CEP78: variants seen among roughly 807,000 people sequenced by gnomAD.
The protein encoded by CEP78 is centrosomal protein 78, also known as centrosomal protein of 78 kDa.
A neutral mutation model predicts 81.2 loss-of-function variants in CEP78; 76 were observed. The ratio of observed to expected loss-of-function variants is 0.94; its 90% CI spans 0.78 to 1.13. The LOEUF is 1.13. Among genes scored for constraint, CEP78 ranks in the 50% most tolerant of loss-of-function variants. The probability of loss-of-function intolerance (pLI) is 0.00; values close to 1 mark genes in which losing one functional copy is unlikely to be tolerated. For synonymous variants in CEP78, 293 were observed against 301.4 expected (o/e 0.97, Z 0.29); for missense variants, 918 against 846.8 (o/e 1.08, Z -1.04).
intron 11 of CEP78, among the ~76,000 whole-genome samples, chr9:78,255,203 C>T (rs549063098): frequency 2.6e-5 from 4 of 152,038 alleles, no homozygotes; most frequent in Non-Finnish European, 5.9e-5. Context: ...TCCTTAGAAT[C>T]ATAGAATATT....
At chr9:78,266,171 T>C (rs1292186751) in intron 15 of CEP78, among the ~76,000 whole-genome samples, 2 of 152,122 alleles carry the variant, frequency 1.3e-5, no homozygotes, top group Admixed American at 1.3e-4. Flanking sequence ...ATAGGAAAGA[T>C]ACTAATTTTC....
At chr9:78,250,335 T>G (rs1826696644) in intron 8 of CEP78, 2 of 397,982 alleles carry the variant, frequency 5.0e-6, no homozygotes, top group Non-Finnish European at 8.9e-6. Flanking sequence ...ATATAATTTA[T>G]GTAAATTATG....
At chr9:78,256,544 T>G (rs1336830000) in intron 11 of CEP78, among the ~76,000 whole-genome samples, 1 of 144,590 alleles carries the variant, frequency 6.9e-6, no homozygotes, top group East Asian at 2.0e-4. Flanking sequence ...TTTTTTTTTT[T>G]TTTTTTGAGA....
rs191328117 is a variant in CEP78 at position 78,264,054 on chromosome 9, A to T, written c.1459-96A>T. On this transcript the variant is annotated intron_variant, in intron 12 of 16. Transcript: ENST00000643273. Reference sequence around the variant, plus strand: ...AGAGAGTTAGATTAACTGCAAATTAATTACATTTTTAAAATGTTTTATTTT... The same window carrying T: ...AGAGAGTTAGATTAACTGCAAATTATTTACATTTTTAAAATGTTTTATTTT... 94 of 907,064 alleles carry T rather than the reference A, an allele frequency of 1.0e-4. No individual in the cohort carries two copies. The East Asian group carries it at 2.7e-3, about 26-fold the overall frequency. The allele number at this position is 907,064 out of a possible 1,614,324, so 56.2% of individuals were successfully genotyped here. A position where few individuals can be genotyped will look rare whatever the true frequency, so the allele number is the denominator to read the frequency against.
chr9:78,241,359 A>T (rs921011679), intron 3 of CEP78, among the ~76,000 whole-genome samples: 1 of 152,204 alleles, frequency 6.6e-6, no homozygotes, highest in African/African-American at 2.4e-5. Context: ...CTGCTCTTGG[A>T]AATGAAAATA....
At chr9:78,240,426 C>T in intron 3 of CEP78, 62 bp downstream of exon 3, 1 of 1,313,780 alleles carries the variant, frequency 7.6e-7, no homozygotes, top group Non-Finnish European at 1.1e-6. Context: ...CCCTACATGC[C>T]ATGTTAATTC....
At chr9:78,241,471 A>G (rs1186197013) in intron 3 of CEP78, among the ~76,000 whole-genome samples, 1 of 152,202 alleles carries the variant, frequency 6.6e-6, no homozygotes, top group African/African-American at 2.4e-5. Flanking sequence ...AGTCTATTCA[A>G]TTTTGGCATC....
intron 8 of CEP78, chr9:78,249,116 A>G (rs920252201): frequency 3.0e-4 from 58 of 193,718 alleles, no homozygotes; most frequent in African/African-American, 1.0e-3. Flanking sequence ...TTTTCATACA[A>G]TATTCATCAT....
chr9:78,236,759 G>T (rs1037074354), intron 1 of CEP78, 156 bp downstream of exon 1: 26 of 928,076 alleles, frequency 2.8e-5, no homozygotes, highest in African/African-American at 6.9e-5. Context: ...TAGGGCTTCA[G>T]TGTGCTCATC....
chr9:78,240,457 A>G (rs1563976901), intron 3 of CEP78, 93 bp downstream of exon 3: 1 of 1,049,700 alleles, frequency 9.5e-7, no homozygotes, highest in Non-Finnish European at 1.4e-6. Context: ...CTTTTTTCTT[A>G]CTACTGCCTC....
chr9:78,259,175 A>T (rs1012500580), intron 11 of CEP78, among the ~76,000 whole-genome samples: 1 of 152,276 alleles, frequency 6.6e-6, no homozygotes, highest in African/African-American at 2.4e-5. Flanking sequence ...GCAACAACAG[A>T]TGAATTGTAA....
chr9:78,236,350 C>T lies in CEP78; in HGVS notation c.-1C>T. ...GCATCCCCCGAGGCCGCCCTCGGGC[C>T]ATGATCGACTCCGTGAAGCTGCGCC... On this transcript the variant is annotated 5_prime_UTR_variant, in exon 1 of 17. Transcript: ENST00000643273. 3 of 1,570,300 alleles carry T rather than the reference C, an allele frequency of 1.9e-6. No homozygotes were observed. The East Asian group carries it at 7.0e-5, about 37-fold the overall frequency.
chr9:78,236,774 A>T (rs769844951), intron 1 of CEP78, 171 bp downstream of exon 1: 41 of 781,932 alleles, frequency 5.2e-5, no homozygotes, highest in Non-Finnish European at 7.1e-5. Flanking sequence ...CTCATCCGTA[A>T]CATGGGCTTA....
rs186700900 is a variant in CEP78 at position 78,277,396 on chromosome 9, G to T, written c.*6545G>T. The T allele has an allele frequency of 2.1e-4, 32 of 152,060 alleles. No individual in the cohort carries two copies. The highest frequency in any genetic ancestry group is 6.7e-4 in the African/African-American group (28 of 41,510). 9.4% of individuals were successfully genotyped at this position (152,060 alleles called of 1,614,324 possible). A position where few individuals can be genotyped will look rare whatever the true frequency, so the allele number is the denominator to read the frequency against. On this transcript the variant is annotated 3_prime_UTR_variant, in exon 17 of 17. Transcript: ENST00000643273. ...GGAAAATACATGTAATAGAACAGAA[G>T]ATTTAAGATAATATAAAGAGCACCT...
chr9:78,266,511 C>CGGG lies in CEP78; in HGVS notation c.1915_1916insGGG (p.Pro639delinsArgAla), dbSNP rs746591373. The CGGG allele has an allele frequency of 3.8e-5, 62 of 1,613,686 alleles. No homozygotes were observed. In the Admixed American group the frequency reaches 8.2e-4, roughly 21 times the overall value. On this transcript the variant is annotated protein_altering_variant, in exon 16 of 17. Transcript: ENST00000643273. ...CTCCTTTCCTGTCCCAGTTTCTACT[C>CGGG]CAGAGGGCTTAGGAACTTCCAGCAA...
intron 3 of CEP78, among the ~76,000 whole-genome samples, chr9:78,241,423 A>G (rs1041955073): frequency 1.3e-5 from 2 of 152,188 alleles, no homozygotes; most frequent in African/African-American, 4.8e-5. Context: ...AAAAGTATAT[A>G]GAACTTTACT....
chr9:78,255,629 TGAA>T (rs1826984380), intron 11 of CEP78, among the ~76,000 whole-genome samples: 1 of 152,152 alleles, frequency 6.6e-6, no homozygotes. Context: ...TTTCAAAAAA[TGAA>T]GCCTGATTTT....
rs369627645 is a variant in CEP78 at position 78,246,768 on chromosome 9, A to G, written c.878A>G (p.Lys293Arg). The change falls in exon 6 of 17, where the codon AAA (lysine) becomes AGA (arginine). Residue 293 changes from lysine to arginine, a missense_variant. Transcript: ENST00000643273. ...NTTLVVLDIR[K>R]NPLIDHSMMK... ...ACTCTGGTCGTTCTGGATATAAGAAAAAATCCACTCATTGGTATGTCGCTA... is the reference window on the plus strand; with the variant it reads ...ACTCTGGTCGTTCTGGATATAAGAAGAAATCCACTCATTGGTATGTCGCTA... 1.3e-5 allele frequency: 21 copies of G among 1,586,414 alleles called. No homozygotes were observed. The highest frequency in any genetic ancestry group is 1.5e-5 in the Non-Finnish European group (18 of 1,163,642).
Position 78,253,263 on chromosome 9 carries a change from T to A in CEP78, c.1237T>A (p.Cys413Ser). ...CCCATTAATCAAAACACGTGATATATGTAATCAGTTGCAGGTACGTAGTTA... is the reference window on the plus strand; with the variant it reads ...CCCATTAATCAAAACACGTGATATAAGTAATCAGTTGCAGGTACGTAGTTA... Reference protein sequence around the residue: ...GFPLIKTRDICNQLQQPGFPV... With the variant: ...GFPLIKTRDISNQLQQPGFPV... Residue 413 changes from cysteine to serine, a missense_variant, in exon 10 of 17, where the codon TGT becomes AGT. Cys to Ser is a moderately radical substitution (Grantham distance 112). Coordinates refer to ENST00000643273, the MANE Select transcript of CEP78 (RefSeq NM_001330691.3). The A allele has an allele frequency of 7.3e-7, 1 of 1,367,910 alleles. No individual in the cohort carries two copies. The highest frequency in any genetic ancestry group is 1.0e-6 in the Non-Finnish European group (1 of 968,412). 84.7% of individuals were successfully genotyped at this position (1,367,910 alleles called of 1,614,324 possible).
Sources: allele counts gnomAD v4.1 joint callset (sites outside exome capture counted in the v4.1 genomes callset), GRCh38; gene constraint gnomAD v4.1.1; transcripts MANE v1.5; gene names NCBI Gene and HGNC (gene_info 2026-07-23, HGNC 2026-07-21).